Variants in EXT2 observed in about 807,000 individuals in gnomAD.
EXT2 encodes the protein exostosin-2.
Under a neutral mutation model 81.6 loss-of-function variants are expected in EXT2, and 53 were observed. That is an observed-to-expected ratio of 0.65 (90% confidence interval 0.52 to 0.82). EXT2 has a LOEUF of 0.82. Ranked by LOEUF, EXT2 falls within the 40% of genes least tolerant of loss-of-function variation. EXT2 has a pLI of 0.00. For missense variants in EXT2, 774 were observed against 910.2 expected (o/e 0.85, Z 1.93); for synonymous variants, 320 against 340.0 (o/e 0.94, Z 0.65).
intron 7 of EXT2, among the ~76,000 whole-genome samples, chr11:44,163,994 A>G (rs1379443600): frequency 6.6e-6 from 1 of 152,042 alleles, no homozygotes; most frequent in East Asian, 1.9e-4. Flanking sequence ...AGAGTGTTTG[A>G]TATCGTCCTA....
rs765251957 is a variant in EXT2 at position 44,206,884 on chromosome 11, C to T, written c.1587C>T (p.Ile529=). ...ACCGTTTCTTCCCTTATGATGAAATCGAGACAGAAGCTGTTCTGGCCATTG... is the reference window on the plus strand; with the variant it reads ...ACCGTTTCTTCCCTTATGATGAAATTGAGACAGAAGCTGTTCTGGCCATTG... ...LSNRFFPYDE[I]ETEAVLAIDD... The change falls in exon 10 of 14, where the codon ATC becomes ATT. Residue 529 remains isoleucine, a synonymous_variant. Coordinates refer to ENST00000533608, the MANE Select transcript of EXT2 (RefSeq NM_207122.2). 1.5e-5 allele frequency: 25 copies of T among 1,614,064 alleles called. No homozygotes were observed. The Admixed American group carries it at 3.7e-4, about 24-fold the overall frequency.
chr11:44,181,056 G>A (rs1330752532), intron 8 of EXT2, among the ~76,000 whole-genome samples: 2 of 151,534 alleles, frequency 1.3e-5, no homozygotes, highest in East Asian at 1.9e-4. Flanking sequence ...AGCCGAGTTC[G>A]CACCATTGCA....
At chr11:44,192,679 G>A (rs1048297682) in intron 8 of EXT2, among the ~76,000 whole-genome samples, 3 of 152,154 alleles carry the variant, frequency 2.0e-5, no homozygotes, top group Admixed American at 2.0e-4. Context: ...CATTGCCCTA[G>A]GAGGTAGATA....
chr11:44,105,345 T>C (rs559566206), intron 1 of EXT2, among the ~76,000 whole-genome samples: 8 of 152,316 alleles, frequency 5.3e-5, no homozygotes, highest in African/African-American at 1.4e-4. Context: ...CAGGCTGGAG[T>C]GCAGTGGCAC....
At chr11:44,169,561 A>G (rs555285014) in intron 7 of EXT2, among the ~76,000 whole-genome samples, 233 of 152,320 alleles carry the variant, frequency 1.5e-3, no homozygotes, top group Non-Finnish European at 2.7e-3. Flanking sequence ...TAGAATAATC[A>G]TACATTTACT....
At chr11:44,213,327 T>C (rs1259049412) in intron 10 of EXT2, among the ~76,000 whole-genome samples, 14 of 152,114 alleles carry the variant, frequency 9.2e-5, no homozygotes, top group Non-Finnish European at 1.3e-4. Context: ...ACTCAGAATG[T>C]TCCAAAATTA....
At chr11:44,243,866 G>A (rs1479337832) in intron 13 of EXT2, among the ~76,000 whole-genome samples, 1 of 151,964 alleles carries the variant, frequency 6.6e-6, no homozygotes, top group Non-Finnish European at 1.5e-5. Context: ...AAGATACTCT[G>A]ACCTTTGCAG....
intron 1 of EXT2, chr11:44,096,191 G>C (rs1262129456): frequency 1.4e-6 from 2 of 1,469,440 alleles, no homozygotes; most frequent in Non-Finnish European, 1.8e-6. Context: ...CCTCCGCCGT[G>C]ACCCCTCCCT....
At chr11:44,176,257 GT>G (rs909354663) in intron 8 of EXT2, among the ~76,000 whole-genome samples, 1 of 152,134 alleles carries the variant, frequency 6.6e-6, no homozygotes, top group African/African-American at 2.4e-5. Flanking sequence ...TCTAAGAGAT[GT>G]TTAATAAGAA....
chr11:44,173,025 G>T (rs1330900751), intron 8 of EXT2, among the ~76,000 whole-genome samples: 1 of 152,150 alleles, frequency 6.6e-6, no homozygotes, highest in East Asian at 1.9e-4. Context: ...ACTCTGAGAG[G>T]TGTTGAGAAT....
chr11:44,171,968 A>T (rs1955081582), intron 8 of EXT2: 1 of 592,044 alleles, frequency 1.7e-6, no homozygotes, highest in Non-Finnish European at 3.0e-6. Context: ...GCTTAGAAAG[A>T]CTGTCTATTT....
intron 13 of EXT2, among the ~76,000 whole-genome samples, chr11:44,236,982 T>C (rs1955973114): frequency 6.6e-6 from 1 of 152,164 alleles, no homozygotes; most frequent in Non-Finnish European, 1.5e-5. Flanking sequence ...ATGTATGTCT[T>C]CCGTTAAGAC....
At chr11:44,219,737 A>G (rs908791947) in intron 10 of EXT2, among the ~76,000 whole-genome samples, 20 of 152,178 alleles carry the variant, frequency 1.3e-4, no homozygotes, top group African/African-American at 4.6e-4. Context: ...GTTCTAGGAA[A>G]GGCTCACCCT....
intron 8 of EXT2, among the ~76,000 whole-genome samples, chr11:44,183,423 T>C (rs1440388250): frequency 6.6e-6 from 1 of 152,228 alleles, no homozygotes; most frequent in East Asian, 1.9e-4. Flanking sequence ...CTAATTTTTT[T>C]GAGGGTGATT....
At chr11:44,233,985 A>G (rs1330157256) in intron 11 of EXT2, 130 bp from the exon 12 acceptor site, 2 of 1,328,262 alleles carry the variant, frequency 1.5e-6, no homozygotes, top group Non-Finnish European at 2.1e-6. Context: ...TACCCTTCCT[A>G]TTAATACAGC....
At chr11:44,183,469 G>A (rs1955264804) in intron 8 of EXT2, among the ~76,000 whole-genome samples, 1 of 152,072 alleles carries the variant, frequency 6.6e-6, no homozygotes, top group Non-Finnish European at 1.5e-5. Flanking sequence ...GAGTTTAAAG[G>A]TTCTTCTTTA....
At chr11:44,226,682 A>G (rs1269815453) in intron 10 of EXT2, among the ~76,000 whole-genome samples, 1 of 152,276 alleles carries the variant, frequency 6.6e-6, no homozygotes, top group Non-Finnish European at 1.5e-5. Flanking sequence ...GAAGCCAGCC[A>G]GCTGCCCCTT....
rs1956087458 is a variant in EXT2 at position 44,245,670 on chromosome 11, T to C, written c.*1383T>C. Among the ~76,000 whole-genome samples the C allele has an allele frequency of 6.6e-6, 1 of 152,204 alleles. No homozygotes were observed. The highest frequency in any genetic ancestry group is 6.5e-5 in the Admixed American group (1 of 15,278). ...TCAGCGTCAGTCATACACCATCCAT[T>C]GTTCTGTTGAGTGACATGAAGGTGG... On this transcript the variant is annotated 3_prime_UTR_variant, in exon 14 of 14. Transcript: ENST00000533608.
At chr11:44,144,297 A>G (rs754426566) in intron 7 of EXT2, 27 of 1,598,446 alleles carry the variant, frequency 1.7e-5, no homozygotes, top group East Asian at 2.2e-5. Flanking sequence ...CTAATCACCA[A>G]ATGAACTCCC....
Sources: gnomAD v4.1 joint callset for allele counts (sites outside exome capture counted in the v4.1 genomes callset) on GRCh38, gnomAD v4.1.1 for gene constraint, MANE v1.5 for transcripts, NCBI Gene and HGNC (gene_info 2026-07-23, HGNC 2026-07-21) for gene names.